The following NEMP2 variants were observed in gnomAD, a reference collection of about 807,000 sequenced individuals.
The protein encoded by NEMP2 is nuclear envelope integral membrane protein 2, also known as UPF0571 transmembrane protein.
In NEMP2, 53 loss-of-function variants were observed where a neutral mutation model predicts 54.2. The ratio of observed to expected loss-of-function variants is 0.98; its 90% confidence interval spans 0.78 to 1.23. The LOEUF (loss-of-function observed/expected upper bound fraction) is 1.23, where lower values mean the gene tolerates loss of function less well. Ranked by LOEUF, NEMP2 falls within the 50% of genes most tolerant of loss-of-function variation. NEMP2 has a pLI of 0.00. For synonymous variants in NEMP2, 197 were observed against 190.3 expected (o/e 1.04, Z -0.29); for missense variants, 455 against 511.3 (o/e 0.89, Z 1.06).
At chr2:190,538,703 A>G (rs1043184493), upstream of NEMP2, among the ~76,000 whole-genome samples, 7 of 150,748 alleles carry the variant, frequency 4.6e-5, no homozygotes, top group Admixed American at 4.6e-4. This position sits in a 1 kb window ranked among gnomAD's most constrained non-coding sequence, Gnocchi z 4.1. Context: ...TACTTTCCTG[A>G]TTATTTTGGA....
intron 1 of NEMP2, 133 bp downstream of exon 1, chr2:190,534,426 A>G (rs1691284978): frequency 1.6e-6 from 2 of 1,226,238 alleles, no homozygotes; most frequent in Non-Finnish European, 2.0e-6. Flanking sequence ...GGAGACCCCA[A>G]AGCGAGAAAA....
chr2:190,490,292 A>G, the NEMP2 span, among the ~76,000 whole-genome samples: 26 of 151,554 alleles, frequency 1.7e-4, no homozygotes, highest in Middle Eastern at 3.5e-3. This position sits in a 1 kb window ranked among gnomAD's most constrained non-coding sequence, Gnocchi z 4.5. Context: ...GGCCGGGTGC[A>G]GTGGCTCACG....
At chr2:190,426,484 A>T in the NEMP2 span, among the ~76,000 whole-genome samples, 1 of 152,060 alleles carries the variant, frequency 6.6e-6, no homozygotes, top group African/African-American at 2.4e-5. The surrounding 1 kb of genome is among the most constrained non-coding windows in gnomAD (Gnocchi z 4.7). Context: ...ATGGCTTTTT[A>T]AAAATATTTT....
rs1467604336 is a variant in NEMP2, at chr2:190,519,186, G to C, written c.214-3C>G. ...AGGCCTGGACTGGTAATTTTCACCT[G>C]TAAAACAAGAACAAGCAAATCCATA... On this transcript the variant is annotated splice_polypyrimidine_tract_variant and splice_region_variant and intron_variant, in intron 2 of 8. Transcript: ENST00000409150. The surrounding 1 kb of genome is among the most constrained non-coding windows in gnomAD (Gnocchi z 5.4). 6.5e-7 allele frequency: 1 copy of C among 1,530,054 alleles called. No individual in the cohort carries two copies. Among genetic ancestry groups the C allele is most frequent in the South Asian group, 1.2e-5 (1 of 83,634 alleles). The allele number at this position is 1,530,054 out of a possible 1,614,324, so 94.8% of individuals were successfully genotyped here.
At chr2:190,456,292 G>T in the NEMP2 span, among the ~76,000 whole-genome samples, 1 of 152,082 alleles carries the variant, frequency 6.6e-6, no homozygotes, top group African/African-American at 2.4e-5. The surrounding 1 kb of genome is among the most constrained non-coding windows in gnomAD (Gnocchi z 5.4). Flanking sequence ...TTTCACTTCA[G>T]ACAGAGAAGG....
the NEMP2 span, chr2:190,568,227 G>A: frequency 1.3e-5 from 2 of 152,142 alleles, no homozygotes; most frequent in South Asian, 4.1e-4. The surrounding 1 kb of genome is among the most constrained non-coding windows in gnomAD (Gnocchi z 4.7). Context: ...CAGCTCTGCA[G>A]GAAACCTGGA....
chr2:190,425,466 G>A, the NEMP2 span, among the ~76,000 whole-genome samples: 1 of 152,088 alleles, frequency 6.6e-6, no homozygotes, highest in Non-Finnish European at 1.5e-5. This position sits in a 1 kb window ranked among gnomAD's most constrained non-coding sequence, Gnocchi z 4.3. Flanking sequence ...TTACCCATGG[G>A]TTTCCGTAGG....
At position 190,514,309 on chromosome 2, in the gene NEMP2, C is replaced by T; in HGVS notation, c.953+144G>A. 1.3e-6 allele frequency: 1 copy of T among 787,002 alleles called. No individual in the cohort carries two copies. Among genetic ancestry groups the T allele is most frequent in the Non-Finnish European group, 2.1e-6 (1 of 484,990 alleles). The allele number at this position is 787,002 out of a possible 1,614,324, so 48.8% of individuals were successfully genotyped here. A position where few individuals can be genotyped will look rare whatever the true frequency, so the allele number is the denominator to read the frequency against. On this transcript the variant is annotated intron_variant, in intron 7 of 8. Coordinates refer to ENST00000409150, the MANE Select transcript of NEMP2 (RefSeq NM_001142645.2). This position sits in a 1 kb window ranked among gnomAD's most constrained non-coding sequence, Gnocchi z 5.7. ...GGATCAGATGCTTGGAGCTCTCTAC[C>T]CCTACACCCCCAATCTTGCTCAGAA...
At position 190,508,763 on chromosome 2, in the gene NEMP2, C is replaced by T. The variant is rs1690255978; in HGVS notation, c.*426G>A. The T allele has an allele frequency of 6.1e-6, 1 of 165,220 alleles. No individual in the cohort carries two copies. The highest frequency in any genetic ancestry group is 1.7e-4 in the South Asian group (1 of 5,778). 10.2% of individuals were successfully genotyped at this position (165,220 alleles called of 1,614,324 possible). ...TTTGGAAAACACTGGTCCAGCATGT[C>T]TCAGGTCTCTTTAAGGACTTATACT... On this transcript the variant is annotated 3_prime_UTR_variant, in exon 9 of 9. Transcript: ENST00000409150. The surrounding 1 kb of genome is among the most constrained non-coding windows in gnomAD (Gnocchi z 4.3).
the NEMP2 span, among the ~76,000 whole-genome samples, chr2:190,477,561 T>C: frequency 6.6e-6 from 1 of 152,162 alleles, no homozygotes; most frequent in African/African-American, 2.4e-5. Context: ...AAAAAACAAA[T>C]GCTGTGTGAA....
At chr2:190,481,440 C>T in the NEMP2 span, among the ~76,000 whole-genome samples, 35,247 of 152,106 alleles carry the variant, frequency 0.23, 5,065 homozygotes, top group South Asian at 0.34. Flanking sequence ...ATGCTTTCTT[C>T]GTCATATCCC....
chr2:190,602,044 A>C, the NEMP2 span, among the ~76,000 whole-genome samples: 1 of 152,176 alleles, frequency 6.6e-6, no homozygotes, highest in Non-Finnish European at 1.5e-5. Context: ...ACCCTGACTA[A>C]TTTGAGGATG....
the NEMP2 span, among the ~76,000 whole-genome samples, chr2:190,551,959 T>G: frequency 2.0e-5 from 3 of 152,216 alleles, no homozygotes; most frequent in Non-Finnish European, 4.4e-5. Flanking sequence ...TTGATTCCAC[T>G]TGGTATTTCT....
At position 190,516,376 on chromosome 2, in the gene NEMP2, G is replaced by T. The variant is rs1391852527; in HGVS notation, c.621C>A (p.Thr207=). Residue 207 remains threonine, a synonymous_variant, in exon 6 of 9, where the codon ACC becomes ACA. Transcript: ENST00000409150. ...AACAACCAACCATTAGAGCCCAAAA[G>T]GTGCTATACTGTGTGTGGAAGAAAA... The part of the protein sequence containing the change: ...LVKRFIPKYS[T]FWALMVGCWF... 1 of 1,547,616 alleles carries T rather than the reference G, an allele frequency of 6.5e-7. No homozygotes were observed. The highest frequency in any genetic ancestry group is 1.2e-5 in the South Asian group (1 of 83,272).
the NEMP2 span, chr2:190,616,812 A>G: frequency 6.6e-6 from 1 of 151,978 alleles, no homozygotes; most frequent in Non-Finnish European, 1.5e-5. The surrounding 1 kb of genome is among the most constrained non-coding windows in gnomAD (Gnocchi z 5.1). Context: ...TTTTTCCCGA[A>G]AAAAAGAATA....
chr2:190,436,889 T>C, the NEMP2 span: 1 of 1,614,246 alleles, frequency 6.2e-7, no homozygotes, highest in Non-Finnish European at 8.5e-7. This position sits in a 1 kb window ranked among gnomAD's most constrained non-coding sequence, Gnocchi z 5.3. Flanking sequence ...GTTGAAGCTA[T>C]ATTCTTGGTG....
At chr2:190,575,087 C>T in the NEMP2 span, among the ~76,000 whole-genome samples, 1 of 151,886 alleles carries the variant, frequency 6.6e-6, no homozygotes, top group African/African-American at 2.4e-5. Context: ...GAACTCCTGA[C>T]CTTATGATCT....
chr2:190,436,716 G>C, the NEMP2 span: 1 of 1,614,144 alleles, frequency 6.2e-7, no homozygotes, highest in South Asian at 1.1e-5. The surrounding 1 kb of genome is among the most constrained non-coding windows in gnomAD (Gnocchi z 5.3). Flanking sequence ...TGCAGCCCCA[G>C]ACAGGTGAAA....
chr2:190,597,557 G>T, the NEMP2 span, among the ~76,000 whole-genome samples: 1 of 152,136 alleles, frequency 6.6e-6, no homozygotes, highest in Non-Finnish European at 1.5e-5. The surrounding 1 kb of genome is among the most constrained non-coding windows in gnomAD (Gnocchi z 4.7). Flanking sequence ...ACTGAAAGGG[G>T]TAGTAGAAAG....
Sources: allele counts gnomAD v4.1 joint callset (sites outside exome capture counted in the v4.1 genomes callset), GRCh38; gene constraint gnomAD v4.1.1; non-coding constraint Gnocchi (gnomAD v3.1); transcripts MANE v1.5; gene names NCBI Gene and HGNC (gene_info 2026-07-23, HGNC 2026-07-21).